Variants in ZBTB16 observed in about 807,000 individuals in gnomAD.
ZBTB16 encodes zinc finger and BTB domain containing 16.
In ZBTB16, 8 loss-of-function variants were observed where a neutral mutation model predicts 56.8. The observed-to-expected ratio is 0.14, with a 90% CI of 0.08 to 0.25. ZBTB16 has a LOEUF of 0.25. Among genes scored for constraint, ZBTB16 ranks in the 10% least tolerant of loss-of-function variants. The probability of loss-of-function intolerance (pLI) is 1.00; values close to 1 mark genes in which losing one functional copy is unlikely to be tolerated. For missense variants in ZBTB16, 625 were observed against 903.0 expected, an observed-to-expected ratio of 0.69 and a Z score of 3.95; for synonymous variants, 363 against 368.5, an observed-to-expected ratio of 0.98 and a Z score of 0.17.
intron 4 of ZBTB16, among the ~76,000 whole-genome samples, chr11:114,222,636 G>A (rs1282646302): frequency 6.6e-6 from 1 of 152,104 alleles, no homozygotes; most frequent in African/African-American, 2.4e-5. Context: ...AGGACTGAGA[G>A]CAACTCACAT....
At chr11:114,161,824 T>C (rs1942598612) in intron 3 of ZBTB16, among the ~76,000 whole-genome samples, 1 of 151,474 alleles carries the variant, frequency 6.6e-6, no homozygotes, top group Non-Finnish European at 1.5e-5. Context: ...CTTTTTTTTA[T>C]GTAGACTAGG....
intron 2 of ZBTB16, among the ~76,000 whole-genome samples, chr11:114,135,289 T>C (rs180952667): frequency 3.3e-5 from 5 of 152,304 alleles, no homozygotes; most frequent in Admixed American, 3.3e-4. Flanking sequence ...GTACAATTTG[T>C]GAGTGTGGTA....
chr11:114,188,756 C>A (rs1400610880), intron 4 of ZBTB16: 2 of 152,140 alleles, frequency 1.3e-5, no homozygotes, highest in African/African-American at 2.4e-5. Context: ...GATATCATGT[C>A]TGCTTATACA....
intron 3 of ZBTB16, among the ~76,000 whole-genome samples, chr11:114,177,437 A>G (rs1037950703): frequency 2.0e-5 from 3 of 152,136 alleles, no homozygotes; most frequent in Admixed American, 2.0e-4. Context: ...TTTAGTAGAG[A>G]TGGGGCTTCT....
At chr11:114,068,213 C>T (rs1182449889) in intron 2 of ZBTB16, among the ~76,000 whole-genome samples, 1 of 151,976 alleles carries the variant, frequency 6.6e-6, no homozygotes, top group Non-Finnish European at 1.5e-5. Flanking sequence ...ACTAGATACC[C>T]AGCAGTCCTT....
At position 114,219,172 on chromosome 11, in the gene ZBTB16, C is replaced by G. The variant is rs1944172675; in HGVS notation, c.1454-22995C>G. Reference sequence around the variant, plus strand: ...GGGGGAGACAACAGTAGGGAGGCATCATGTGGGAACCAGGGTAGGGAAGGA... The same window carrying G: ...GGGGGAGACAACAGTAGGGAGGCATGATGTGGGAACCAGGGTAGGGAAGGA... On this transcript the variant is annotated intron_variant, in intron 4 of 6. Coordinates refer to ENST00000335953, the MANE Select transcript of ZBTB16 (RefSeq NM_006006.6). Among the ~76,000 whole-genome samples, 6 of 152,284 alleles carry G rather than the reference C, an allele frequency of 3.9e-5. No homozygotes were observed. In the South Asian group the frequency reaches 1.2e-3, roughly 32 times the overall value.
Position 114,148,430 on chromosome 11 carries a change from T to TCTGTCTGTCTGTCC in ZBTB16, c.1269-7905_1269-7904insGTCTGTCTGTCCCT, listed in dbSNP as rs1565651840. 2.0e-3 allele frequency among the ~76,000 whole-genome samples: 141 copies of TCTGTCTGTCTGTCC among 70,932 alleles called. 7 individuals carry two copies. The highest frequency in any genetic ancestry group is 6.9e-3 in the African/African-American group (109 of 15,826). The allele number at this position is 70,932 out of a possible 152,430, so 46.5% of individuals were successfully genotyped here. A position where few individuals can be genotyped will look rare whatever the true frequency, so the allele number is the denominator to read the frequency against. On this transcript the variant is annotated intron_variant, in intron 2 of 6. Transcript: ENST00000335953. The stretch of plus-strand genomic sequence containing the variant: ...CTCCCTCCCTCCCTCCCTCCCTCTC[T>TCTGTCTGTCTGTCC]CTCTCTTTCTCTCTCTCTGTCTGTC...
intron 3 of ZBTB16, among the ~76,000 whole-genome samples, chr11:114,177,000 C>T (rs192131519): frequency 8.1e-4 from 123 of 152,264 alleles, no homozygotes; most frequent in African/African-American, 3.0e-3. Flanking sequence ...TTGGGCTTCT[C>T]CCAGAGCTGT....
chr11:114,247,177 T>C (rs1591814151), intron 5 of ZBTB16, 21 bp from the exon 6 acceptor site: 1 of 1,614,222 alleles, frequency 6.2e-7, no homozygotes, highest in East Asian at 2.2e-5. Flanking sequence ...AAAGGCCTGA[T>C]CCAGCCCCTT....
intron 4 of ZBTB16, among the ~76,000 whole-genome samples, chr11:114,223,661 G>A (rs403104): frequency 0.34 from 51,726 of 152,028 alleles, 9,516 homozygotes; most frequent in Middle Eastern, 0.48. Context: ...TGTCTTCATG[G>A]GTTTCATGCC....
At chr11:114,228,418 C>A (rs1944372960) in intron 4 of ZBTB16, among the ~76,000 whole-genome samples, 1 of 152,154 alleles carries the variant, frequency 6.6e-6, no homozygotes, top group South Asian at 2.1e-4. Context: ...TGCTTATATT[C>A]CTAATGGAAG....
At chr11:114,157,210 C>T (rs1317582611) in intron 3 of ZBTB16, among the ~76,000 whole-genome samples, 1 of 152,190 alleles carries the variant, frequency 6.6e-6, no homozygotes, top group African/African-American at 2.4e-5. Flanking sequence ...GCCTGCCTCT[C>T]CTTTCCCCAT....
chr11:114,224,334 G>A (rs58403956), intron 4 of ZBTB16, among the ~76,000 whole-genome samples: 1,647 of 152,292 alleles, frequency 0.011, 33 homozygotes, highest in African/African-American at 0.038. Flanking sequence ...CTAGGATAAT[G>A]CCCACTTTTC....
At chr11:114,163,614 G>T (rs1942659361) in intron 3 of ZBTB16, among the ~76,000 whole-genome samples, 1 of 152,128 alleles carries the variant, frequency 6.6e-6, no homozygotes. Context: ...AAAGTTCATT[G>T]CAGGTCATGG....
chr11:114,142,707 T>C (rs1941986529), intron 2 of ZBTB16, among the ~76,000 whole-genome samples: 1 of 152,058 alleles, frequency 6.6e-6, no homozygotes, highest in Non-Finnish European at 1.5e-5. Flanking sequence ...GCATCTTGTT[T>C]TGAATGGTGG....
At chr11:114,156,265 C>T (rs904451169) in intron 2 of ZBTB16, 72 bp from the exon 3 acceptor site, 1 of 1,517,634 alleles carries the variant, frequency 6.6e-7, no homozygotes, top group African/African-American at 1.4e-5. Flanking sequence ...CTGCCAAGCC[C>T]CCAGGTAGGG....
At chr11:114,071,895 A>G (rs1017245986) in intron 2 of ZBTB16, among the ~76,000 whole-genome samples, 5 of 152,156 alleles carry the variant, frequency 3.3e-5, no homozygotes, top group South Asian at 2.1e-4. Flanking sequence ...TGATTTTGCT[A>G]CTTACTAACT....
intron 4 of ZBTB16, among the ~76,000 whole-genome samples, chr11:114,210,201 G>GCA (rs1222301553): frequency 3.3e-5 from 5 of 151,652 alleles, no homozygotes; most frequent in Non-Finnish European, 5.9e-5. Context: ...GTGCGTGCGC[G>GCA]CGCGTGCACA....
intron 4 of ZBTB16, among the ~76,000 whole-genome samples, chr11:114,218,191 G>A (rs1944151313): frequency 6.6e-6 from 1 of 152,196 alleles, no homozygotes; most frequent in Non-Finnish European, 1.5e-5. Flanking sequence ...TGTGCTGCAC[G>A]GACCTTCCTG....
Sources: gnomAD v4.1 joint callset for allele counts (sites outside exome capture counted in the v4.1 genomes callset) on GRCh38, gnomAD v4.1.1 for gene constraint, MANE v1.5 for transcripts, NCBI Gene and HGNC (gene_info 2026-07-23, HGNC 2026-07-21) for gene names.